NRXN1: variants seen among roughly 807,000 people sequenced by gnomAD.
The protein encoded by NRXN1 is neurexin-1.
NRXN1 carries 39 observed loss-of-function variants against 150.9 expected under a neutral mutation model. That is an observed-to-expected ratio of 0.26 (90% confidence interval 0.20 to 0.34). NRXN1 has a LOEUF of 0.34. NRXN1 is among the 10% of genes least tolerant of loss of function. The probability of loss-of-function intolerance (pLI) is 1.00; values close to 1 mark genes in which losing one functional copy is unlikely to be tolerated. For synonymous variants in NRXN1, 924 were observed against 757.0 expected (o/e 1.22, Z -3.62); for missense variants, 1,815 against 1,949.9 (o/e 0.93, Z 1.30).
intron 8 of NRXN1, among the ~76,000 whole-genome samples, chr2:50,580,061 T>C (rs1234864338): frequency 6.6e-6 from 1 of 152,220 alleles, no homozygotes; most frequent in Non-Finnish European, 1.5e-5. Context: ...TTCTTTATAT[T>C]TCCCTCAGAT....
intron 8 of NRXN1, among the ~76,000 whole-genome samples, chr2:50,609,674 T>A (rs943745441): frequency 6.6e-6 from 1 of 151,758 alleles, no homozygotes; most frequent in Non-Finnish European, 1.5e-5. Context: ...TTAACTAATT[T>A]AATGCAATGA....
At chr2:50,699,504 G>C (rs1693427119) in intron 5 of NRXN1, among the ~76,000 whole-genome samples, 1 of 152,040 alleles carries the variant, frequency 6.6e-6, no homozygotes, top group African/African-American at 2.4e-5. Flanking sequence ...TGAAGCATGA[G>C]AGGGACTTCA....
chr2:50,926,031 GC>G (rs1394019712), intron 2 of NRXN1, 76 bp from the exon 3 acceptor site: 1 of 1,174,060 alleles, frequency 8.5e-7, no homozygotes, highest in Non-Finnish European at 1.2e-6. Flanking sequence ...CCTTGCCTTT[GC>G]ATGTCTTCCT....
At chr2:50,370,191 T>C (rs1189169222) in intron 17 of NRXN1, among the ~76,000 whole-genome samples, 2 of 152,020 alleles carry the variant, frequency 1.3e-5, no homozygotes, top group Admixed American at 6.6e-5. Flanking sequence ...GCAAATACAT[T>C]AGGGCAGGGT....
chr2:50,802,872 G>A (rs1707814189), intron 5 of NRXN1, among the ~76,000 whole-genome samples: 1 of 152,132 alleles, frequency 6.6e-6, no homozygotes, highest in Non-Finnish European at 1.5e-5. Context: ...GTCAAGAAAT[G>A]CGGAAGACTG....
Position 50,764,030 on chromosome 2 carries a change from T to C in NRXN1, c.833-140415A>G, listed in dbSNP as rs1346938989. On this transcript the variant is annotated intron_variant, in intron 5 of 22. Coordinates refer to ENST00000401669, the MANE Select transcript of NRXN1 (RefSeq NM_001330078.2). The stretch of plus-strand genomic sequence containing the variant: ...GACACATCCGTTGGCCCTTTTTTTT[T>C]TTTTGCTAAAGGAGGAACATCCCTC... 2.0e-5 allele frequency among the ~76,000 whole-genome samples: 3 copies of C among 151,598 alleles called. No homozygotes were observed. In the East Asian group the frequency reaches 5.9e-4, roughly 30 times the overall value.
At chr2:50,443,463 A>C (rs149961263) in intron 17 of NRXN1, among the ~76,000 whole-genome samples, 339 of 152,216 alleles carry the variant, frequency 2.2e-3, no homozygotes, top group African/African-American at 7.8e-3. Flanking sequence ...TCATGTTCTT[A>C]TTATCTGTTT....
intron 5 of NRXN1, among the ~76,000 whole-genome samples, chr2:50,773,096 T>C (rs575195601): frequency 7.9e-5 from 12 of 152,250 alleles, no homozygotes; most frequent in African/African-American, 2.9e-4. Context: ...ACCTACCTAA[T>C]TTCCTTTCCC....
In NRXN1 at chr2:50,259,835, A is replaced by G. The variant is rs148159845; in HGVS notation, c.3365-22865T>C. ...GTTTACTATTTGGTTTTCTAAATAC[A>G]TTTATCGGTACAAGTTATTGTACTT... is the stretch of plus-strand genomic sequence containing the variant. On this transcript the variant is annotated intron_variant, in intron 17 of 22. Transcript: ENST00000401669. 8.6e-5 allele frequency among the ~76,000 whole-genome samples: 13 copies of G among 151,940 alleles called. No homozygotes were observed. In the East Asian group the frequency reaches 2.5e-3, roughly 29 times the overall value.
rs184333840 is a variant in NRXN1, at chr2:50,785,293, C to A, written c.832+136576G>T. 7.6e-3 allele frequency among the ~76,000 whole-genome samples: 1,141 copies of A among 149,588 alleles called. 18 individuals carry two copies. Among genetic ancestry groups the A allele is most frequent in the African/African-American group, 0.027 (1,099 of 40,554 alleles). Reference sequence around the variant, plus strand: ...AGACGGAGTCTCATTCTGTCGCCCCCGCTGGAGTGCAGTGGCACAATCTCA... The same window carrying A: ...AGACGGAGTCTCATTCTGTCGCCCCAGCTGGAGTGCAGTGGCACAATCTCA... On this transcript the variant is annotated intron_variant, in intron 5 of 22. Transcript: ENST00000401669.
intron 1 of NRXN1, among the ~76,000 whole-genome samples, chr2:51,030,551 C>G (rs1423400309): frequency 6.6e-6 from 1 of 151,548 alleles, no homozygotes; most frequent in Non-Finnish European, 1.5e-5. Context: ...CACACACACA[C>G]ACACACACAC....
At chr2:50,824,498 T>C (rs767975442) in intron 5 of NRXN1, among the ~76,000 whole-genome samples, 7 of 152,126 alleles carry the variant, frequency 4.6e-5, no homozygotes, top group African/African-American at 1.7e-4. Flanking sequence ...ATTTTCTGCA[T>C]AGAAGTAGTT....
At chr2:50,913,560 A>C (rs910678430) in intron 5 of NRXN1, among the ~76,000 whole-genome samples, 2 of 151,800 alleles carry the variant, frequency 1.3e-5, no homozygotes, top group African/African-American at 4.8e-5. Context: ...CAGTAGTGTA[A>C]TTGTATAGTC....
intron 5 of NRXN1, chr2:50,840,942 A>G (rs1321035309): frequency 1.3e-5 from 2 of 152,360 alleles, no homozygotes; most frequent in Non-Finnish European, 2.9e-5. Flanking sequence ...CCCCCATTTC[A>G]GTTTCAGAAA....
At chr2:50,208,323 T>C (rs566341219) in intron 18 of NRXN1, among the ~76,000 whole-genome samples, 59 of 152,186 alleles carry the variant, frequency 3.9e-4, no homozygotes, top group Middle Eastern at 3.4e-3. Flanking sequence ...GACATCTTCA[T>C]CTCACAAACA....
chr2:50,390,062 G>T (rs1029367554), intron 17 of NRXN1, among the ~76,000 whole-genome samples: 1 of 152,112 alleles, frequency 6.6e-6, no homozygotes, highest in African/African-American at 2.4e-5. Flanking sequence ...TTAAATAGTA[G>T]TATTAGACTG....
chr2:50,618,540 T>C lies in NRXN1; in HGVS notation c.1320+1482A>G, dbSNP rs114527597. 7.7e-3 allele frequency among the ~76,000 whole-genome samples: 1,167 copies of C among 152,116 alleles called. 15 individuals carry two copies. The highest frequency in any genetic ancestry group is 0.027 in the African/African-American group (1,133 of 41,530). On this transcript the variant is annotated intron_variant, in intron 8 of 22. Coordinates refer to ENST00000401669, the MANE Select transcript of NRXN1 (RefSeq NM_001330078.2). ...TTTCTCTTGCAAAAGGGCTCTTAAC[T>C]ATGGTAGTTAAGAGCACAAGGACAC... is the stretch of plus-strand genomic sequence containing the variant.
chr2:51,018,310 T>C (rs866228426), intron 2 of NRXN1, among the ~76,000 whole-genome samples: 31 of 152,094 alleles, frequency 2.0e-4, no homozygotes, highest in Middle Eastern at 3.2e-3. Flanking sequence ...GAAAGCACTA[T>C]TTGATGTAGC....
intron 18 of NRXN1, among the ~76,000 whole-genome samples, chr2:50,150,004 ATT>A (rs1217968704): frequency 1.3e-5 from 2 of 151,780 alleles, no homozygotes; most frequent in Non-Finnish European, 1.5e-5. Context: ...TTGGGTTTAA[ATT>A]TGGTCCAAGA....
Sources: gnomAD v4.1 joint callset for allele counts (sites outside exome capture counted in the v4.1 genomes callset) on GRCh38, gnomAD v4.1.1 for gene constraint, MANE v1.5 for transcripts, NCBI Gene and HGNC (gene_info 2026-07-23, HGNC 2026-07-21) for gene names.